Variants in PCDH15 observed in about 807,000 individuals in gnomAD.
PCDH15 encodes the protein protocadherin-15.
Under a neutral mutation model 178.5 loss-of-function variants are expected in PCDH15, and 129 were observed. The observed-to-expected ratio is 0.72, with a 90% confidence interval of 0.63 to 0.84. The LOEUF is 0.84. PCDH15 is among the 40% of genes least tolerant of loss of function. PCDH15 has a pLI of 0.00. For synonymous variants in PCDH15, 800 were observed against 732.0 expected (o/e 1.09, Z -1.50); for missense variants, 2,230 against 2,099.9 (o/e 1.06, Z -1.21).
At chr10:55,530,882 C>A (rs1352709829) in intron 2 of PCDH15, among the ~76,000 whole-genome samples, 1 of 151,882 alleles carries the variant, frequency 6.6e-6, no homozygotes, top group Admixed American at 6.6e-5. Context: ...GTTCTTATAG[C>A]TTTCAATAGT....
intron 9 of PCDH15, among the ~76,000 whole-genome samples, chr10:54,215,345 GA>G (rs35866961): frequency 0.7 from 105,482 of 151,496 alleles, 37,793 homozygotes; most frequent in African/African-American, 0.78. Flanking sequence ...AAATGAGGGG[GA>G]AAAAAAACAG....
intron 26 of PCDH15, among the ~76,000 whole-genome samples, chr10:53,867,415 G>C (rs2079535329): frequency 6.6e-6 from 1 of 152,076 alleles, no homozygotes; most frequent in East Asian, 1.9e-4. Context: ...AGTGATAACT[G>C]TTTGAGATGA....
chr10:54,714,234 ACTGT>A (rs1394989468), intron 1 of PCDH15, among the ~76,000 whole-genome samples: 3 of 152,182 alleles, frequency 2.0e-5, no homozygotes, highest in Admixed American at 6.6e-5. Context: ...TGTGAAGTGA[ACTGT>A]CTATCGCAAA....
chr10:54,934,058 T>C lies in PCDH15; in HGVS notation c.-79-36558A>G, dbSNP rs563755747. On this transcript the variant is annotated intron_variant, in intron 2 of 5. Coordinates refer to the PCDH15 transcript ENST00000458638. ...CATCAAAGAACAGTAATTGATTTCC[T>C]AAAATAACGTCATGTATATAAACTC... Among the ~76,000 whole-genome samples, 7 of 152,298 alleles carry C rather than the reference T, an allele frequency of 4.6e-5. No individual in the cohort carries two copies. The South Asian group carries it at 1.2e-3, about 27-fold the overall frequency.
intron 27 of PCDH15, among the ~76,000 whole-genome samples, 196 bp downstream of exon 27, chr10:53,866,446 A>AATATATATAT (rs55793083): frequency 4.3e-4 from 63 of 145,804 alleles, no homozygotes; most frequent in African/African-American, 1.5e-3. Flanking sequence ...TGTTTTTGTA[A>AATATATATAT]ATATATATAT....
intron 3 of PCDH15, among the ~76,000 whole-genome samples, chr10:54,411,677 T>C (rs1213165878): frequency 1.3e-5 from 2 of 152,174 alleles, no homozygotes; most frequent in African/African-American, 4.8e-5. Flanking sequence ...TATTTCTATA[T>C]TGTTTATTTC....
chr10:54,761,750 T>C (rs556909909), intron 1 of PCDH15, among the ~76,000 whole-genome samples: 1 of 150,940 alleles, frequency 6.6e-6, no homozygotes, highest in South Asian at 2.1e-4. Flanking sequence ...GGGGTAATTC[T>C]CCAAAGGAAA....
At chr10:55,124,728 T>C (rs1837854462) in intron 2 of PCDH15, among the ~76,000 whole-genome samples, 1 of 152,088 alleles carries the variant, frequency 6.6e-6, no homozygotes, top group African/African-American at 2.4e-5. Context: ...TTGATAAAAA[T>C]ATTCTGTATA....
intron 5 of PCDH15, among the ~76,000 whole-genome samples, chr10:54,353,899 AATG>A (rs1944549847): frequency 6.6e-6 from 1 of 152,200 alleles, no homozygotes; most frequent in African/African-American, 2.4e-5. Flanking sequence ...TGTTACAGAG[AATG>A]ATAAATAACT....
chr10:55,398,753 C>T (rs1420633982), intron 2 of PCDH15, among the ~76,000 whole-genome samples: 2 of 152,132 alleles, frequency 1.3e-5, no homozygotes, highest in African/African-American at 4.8e-5. Flanking sequence ...ACTATACCCT[C>T]GCCAAGTATT....
intron 3 of PCDH15, among the ~76,000 whole-genome samples, chr10:54,833,607 T>C (rs960803482): frequency 7.9e-5 from 12 of 152,228 alleles, no homozygotes; most frequent in African/African-American, 2.7e-4. Flanking sequence ...CCTACTGATA[T>C]TGGACTTGAC....
chr10:54,188,092 C>T (rs927001523), intron 11 of PCDH15, among the ~76,000 whole-genome samples: 4 of 151,778 alleles, frequency 2.6e-5, no homozygotes, highest in African/African-American at 9.7e-5. Flanking sequence ...CAAGGTTTTG[C>T]TACCCTTCAC....
chr10:54,055,185 T>C (rs534606884), intron 18 of PCDH15, among the ~76,000 whole-genome samples: 17 of 152,304 alleles, frequency 1.1e-4, no homozygotes, highest in African/African-American at 3.8e-4. Flanking sequence ...TTTAAGTGCT[T>C]AAGACAGAAA....
chr10:54,617,597 C>A (rs1160916182), intron 2 of PCDH15, among the ~76,000 whole-genome samples: 2 of 151,328 alleles, frequency 1.3e-5, no homozygotes, highest in Non-Finnish European at 2.9e-5. Context: ...ATAGTATATA[C>A]TATATTAACA....
At chr10:54,126,151 A>C (rs971451038) in intron 15 of PCDH15, among the ~76,000 whole-genome samples, 1 of 151,376 alleles carries the variant, frequency 6.6e-6, no homozygotes, top group Admixed American at 6.6e-5. Context: ...GCTCACTGCA[A>C]GCTCCGCCTC....
chr10:54,804,284 C>T (rs1952738608), upstream of PCDH15, among the ~76,000 whole-genome samples: 1 of 152,180 alleles, frequency 6.6e-6, no homozygotes, highest in African/African-American at 2.4e-5. Flanking sequence ...CGTGATCCTC[C>T]CGCCTCGGCC....
intron 2 of PCDH15, among the ~76,000 whole-genome samples, chr10:55,404,677 T>A (rs145916485): frequency 5.9e-4 from 89 of 152,082 alleles, no homozygotes; most frequent in African/African-American, 1.9e-3. Flanking sequence ...CATAATTATG[T>A]CTTTAGTGGG....
intron 21 of PCDH15, among the ~76,000 whole-genome samples, chr10:53,990,829 A>G (rs980564913): frequency 6.6e-6 from 1 of 151,986 alleles, no homozygotes; most frequent in Non-Finnish European, 1.5e-5. Flanking sequence ...GCAGGTGGGA[A>G]CTGGGGCTGT....
intron 2 of PCDH15, among the ~76,000 whole-genome samples, chr10:55,118,347 A>G (rs1027155254): frequency 3.9e-5 from 6 of 152,188 alleles, no homozygotes; most frequent in African/African-American, 1.4e-4. Flanking sequence ...GGCGAATGTA[A>G]GTTGACAAAG....
Sources: gnomAD v4.1 joint callset for allele counts (sites outside exome capture counted in the v4.1 genomes callset) on GRCh38, gnomAD v4.1.1 for gene constraint, MANE v1.5 for transcripts, NCBI Gene and HGNC (gene_info 2026-07-23, HGNC 2026-07-21) for gene names.